NEMP2: variants seen among roughly 807,000 people sequenced by gnomAD.
NEMP2 encodes the protein nuclear envelope integral membrane protein 2, also known as UPF0571 transmembrane protein.
A neutral mutation model predicts 54.2 loss-of-function variants in NEMP2; 53 were observed. The observed-to-expected ratio is 0.98, with a 90% CI of 0.78 to 1.23. The LOEUF is 1.23. NEMP2 is among the 50% of genes most tolerant of loss of function. NEMP2 has a pLI of 0.00. For synonymous variants in NEMP2, 197 were observed against 190.3 expected (o/e 1.04, Z -0.29); for missense variants, 455 against 511.3 (o/e 0.89, Z 1.06).
chr2:190,539,920 T>A, the NEMP2 span, among the ~76,000 whole-genome samples: 3 of 152,226 alleles, frequency 2.0e-5, no homozygotes, highest in African/African-American at 7.2e-5. This position sits in a 1 kb window ranked among gnomAD's most constrained non-coding sequence, Gnocchi z 4.1. Context: ...TTTCTTTCTC[T>A]TGCCTAATTG....
chr2:190,566,559 C>T, the NEMP2 span, among the ~76,000 whole-genome samples: 3 of 150,674 alleles, frequency 2.0e-5, no homozygotes, highest in Non-Finnish European at 2.9e-5. Context: ...CTGACTCCAG[C>T]CTGGGCTACA....
At chr2:190,644,287 G>A in the NEMP2 span, among the ~76,000 whole-genome samples, 1 of 152,206 alleles carries the variant, frequency 6.6e-6, no homozygotes, top group Non-Finnish European at 1.5e-5. The surrounding 1 kb of genome is among the most constrained non-coding windows in gnomAD (Gnocchi z 4.4). Flanking sequence ...AGCTTGTTCA[G>A]TATGTGGTTT....
the NEMP2 span, among the ~76,000 whole-genome samples, chr2:190,598,684 C>T: frequency 1.3e-5 from 2 of 152,214 alleles, no homozygotes; most frequent in East Asian, 3.8e-4. Context: ...TATCTACTAG[C>T]TAGCAAAGCA....
chr2:190,491,825 G>GAAGACAAAGA, the NEMP2 span, among the ~76,000 whole-genome samples: 1 of 152,118 alleles, frequency 6.6e-6, no homozygotes, highest in African/African-American at 2.4e-5. This position sits in a 1 kb window ranked among gnomAD's most constrained non-coding sequence, Gnocchi z 4.2. Context: ...TGACTTCCCT[G>GAAGACAAAGA]AAAAAGAATT....
the NEMP2 span, among the ~76,000 whole-genome samples, chr2:190,465,749 T>C: frequency 1.3e-5 from 2 of 152,252 alleles, no homozygotes; most frequent in East Asian, 3.9e-4. The surrounding 1 kb of genome is among the most constrained non-coding windows in gnomAD (Gnocchi z 4.6). Flanking sequence ...TCCCAGCACT[T>C]TGGGAGGCCG....
chr2:190,567,132 G>A, the NEMP2 span, among the ~76,000 whole-genome samples: 5 of 152,102 alleles, frequency 3.3e-5, no homozygotes, highest in Non-Finnish European at 5.9e-5. The surrounding 1 kb of genome is among the most constrained non-coding windows in gnomAD (Gnocchi z 4.0). Context: ...AGCAGAATGC[G>A]ATGATAAAAG....
the NEMP2 span, among the ~76,000 whole-genome samples, chr2:190,471,392 T>G: frequency 6.6e-6 from 1 of 152,188 alleles, no homozygotes; most frequent in Non-Finnish European, 1.5e-5. This position sits in a 1 kb window ranked among gnomAD's most constrained non-coding sequence, Gnocchi z 4.7. Flanking sequence ...ACTCCCACCC[T>G]AATACTGTGC....
the NEMP2 span, among the ~76,000 whole-genome samples, chr2:190,584,027 A>C: frequency 2.0e-5 from 3 of 152,176 alleles, no homozygotes; most frequent in African/African-American, 7.2e-5. The surrounding 1 kb of genome is among the most constrained non-coding windows in gnomAD (Gnocchi z 4.2). Context: ...TGGGTTCAGG[A>C]GTAAGCTAGC....
chr2:190,523,993 C>T lies in NEMP2; in HGVS notation c.213+1270G>A, dbSNP rs139904645. ...TGAGGCAGGCAGATTGCTTGAGTCC[C>T]GGAGTTCAGTAGACTCATGGGCAAC... On this transcript the variant is annotated intron_variant, in intron 2 of 8. Coordinates refer to ENST00000409150, the MANE Select transcript of NEMP2 (RefSeq NM_001142645.2). The surrounding 1 kb of genome is among the most constrained non-coding windows in gnomAD (Gnocchi z 5.3). 8.6e-5 allele frequency among the ~76,000 whole-genome samples: 13 copies of T among 151,684 alleles called. No homozygotes were observed. In the East Asian group the frequency reaches 2.1e-3, roughly 25 times the overall value.
chr2:190,537,991 T>C (rs1691433171), upstream of NEMP2, among the ~76,000 whole-genome samples: 1 of 152,174 alleles, frequency 6.6e-6, no homozygotes, highest in South Asian at 2.1e-4. Flanking sequence ...CCTTTTATAC[T>C]GAGCAGGATT....
chr2:190,537,988 T>A (rs1438529487), upstream of NEMP2, among the ~76,000 whole-genome samples: 1 of 152,184 alleles, frequency 6.6e-6, no homozygotes, highest in Non-Finnish European at 1.5e-5. Context: ...GTTCCTTTTA[T>A]ACTGAGCAGG....
the NEMP2 span, among the ~76,000 whole-genome samples, chr2:190,476,143 T>C: frequency 6.6e-6 from 1 of 152,098 alleles, no homozygotes; most frequent in Non-Finnish European, 1.5e-5. Context: ...ATTCAGGACA[T>C]AGGCATGGGC....
the NEMP2 span, among the ~76,000 whole-genome samples, chr2:190,543,437 G>C: frequency 6.6e-6 from 1 of 152,204 alleles, no homozygotes; most frequent in East Asian, 1.9e-4. The surrounding 1 kb of genome is among the most constrained non-coding windows in gnomAD (Gnocchi z 4.7). Flanking sequence ...GATTGAGGTG[G>C]ACAATCAGCT....
the NEMP2 span, among the ~76,000 whole-genome samples, chr2:190,498,865 C>T: frequency 6.6e-6 from 1 of 151,912 alleles, no homozygotes; most frequent in Non-Finnish European, 1.5e-5. This position sits in a 1 kb window ranked among gnomAD's most constrained non-coding sequence, Gnocchi z 5.9. Flanking sequence ...AAATTTTTTT[C>T]TGGGCTGGGC....
chr2:190,455,247 C>T, the NEMP2 span, among the ~76,000 whole-genome samples: 3 of 150,998 alleles, frequency 2.0e-5, no homozygotes, highest in Admixed American at 6.6e-5. Flanking sequence ...ATTACTATGA[C>T]TTTCATTATT....
At chr2:190,432,340 T>G in the NEMP2 span, among the ~76,000 whole-genome samples, 1 of 152,248 alleles carries the variant, frequency 6.6e-6, no homozygotes, top group Non-Finnish European at 1.5e-5. Flanking sequence ...TATGTTCACT[T>G]GATGCCCTGC....
the NEMP2 span, chr2:190,436,709 A>C: frequency 3.7e-6 from 6 of 1,614,222 alleles, no homozygotes; most frequent in African/African-American, 8.0e-5. This position sits in a 1 kb window ranked among gnomAD's most constrained non-coding sequence, Gnocchi z 5.3. Flanking sequence ...CCCACTCTGC[A>C]GCCCCAGACA....
At chr2:190,582,444 A>G in the NEMP2 span, among the ~76,000 whole-genome samples, 1 of 152,310 alleles carries the variant, frequency 6.6e-6, no homozygotes, top group East Asian at 1.9e-4. The surrounding 1 kb of genome is among the most constrained non-coding windows in gnomAD (Gnocchi z 4.6). Flanking sequence ...CATATACACC[A>G]TTATTTTATA....
At chr2:190,539,080 C>T (rs1386986778), upstream of NEMP2, among the ~76,000 whole-genome samples, 2 of 152,112 alleles carry the variant, frequency 1.3e-5, no homozygotes, top group Non-Finnish European at 2.9e-5. This position sits in a 1 kb window ranked among gnomAD's most constrained non-coding sequence, Gnocchi z 4.1. Context: ...TTCATAGTTT[C>T]AGGTCTTAGA....
Sources: allele counts gnomAD v4.1 joint callset (sites outside exome capture counted in the v4.1 genomes callset), GRCh38; gene constraint gnomAD v4.1.1; non-coding constraint Gnocchi (gnomAD v3.1); transcripts MANE v1.5; gene names NCBI Gene and HGNC (gene_info 2026-07-23, HGNC 2026-07-21).